RABL2B: variants seen among roughly 807,000 people sequenced by gnomAD.
The protein encoded by RABL2B is RAB, member of RAS oncogene family like 2B.
In RABL2B, 17 loss-of-function variants were observed where a neutral mutation model predicts 26.7. That is an observed-to-expected ratio of 0.64 (90% CI 0.44 to 0.95). RABL2B has a LOEUF of 0.95. RABL2B is among the 40% of genes least tolerant of loss of function. The probability of loss-of-function intolerance (pLI) is 0.00; values close to 1 mark genes in which losing one functional copy is unlikely to be tolerated. For missense variants in RABL2B, 170 were observed against 277.2 expected (o/e 0.61, Z 2.75); for synonymous variants, 70 against 103.9 (o/e 0.67, Z 1.99).
chr22:50,771,905 C>T (rs1207781929), intron 5 of RABL2B: 6 of 152,152 alleles, frequency 3.9e-5, no homozygotes, highest in South Asian at 2.1e-4. Context: ...CCACTGTGCC[C>T]GGCCTCTTTA....
In RABL2B at chr22:50,774,202, G is replaced by T. The variant is rs1292509176; in HGVS notation, c.297+1570C>A. 2.6e-5 allele frequency among the ~76,000 whole-genome samples: 4 copies of T among 152,184 alleles called. No individual in the cohort carries two copies. In the East Asian group the frequency reaches 5.8e-4, roughly 22 times the overall value. The stretch of plus-strand genomic sequence containing the variant: ...GAGCCACCGCGCCCGGCCCGTGGCA[G>T]ACTTTATTAATGTATGCCAACAATG... On this transcript the variant is annotated intron_variant, in intron 5 of 8. Coordinates refer to ENST00000691320, the MANE Select transcript of RABL2B (RefSeq NM_001130919.3).
chr22:50,776,691 C>A lies in RABL2B; in HGVS notation c.196G>T (p.Asp66Tyr). ...TTACCCACAAGGATGGTCCTTCCAT[C>A]TACCGTGGCTGTGTGCTTGTACAGG... Reference protein sequence around the residue: ...LTLYKHTATVDGRTILVDFWD... With the variant: ...LTLYKHTATVYGRTILVDFWD... Residue 66 changes from aspartate (D) to tyrosine (Y), a missense_variant, in exon 4 of 9, where the codon GAT becomes TAT. Asp to Tyr is a radical substitution (Grantham distance 160). Transcript: ENST00000691320. 1 of 1,611,722 alleles carries A rather than the reference C, an allele frequency of 6.2e-7. No homozygotes were observed. Among genetic ancestry groups the A allele is most frequent in the Non-Finnish European group, 8.5e-7 (1 of 1,178,818 alleles).
chr22:50,773,231 A>C (rs1179437458), intron 5 of RABL2B: 13 of 1,279,248 alleles, frequency 1.0e-5, no homozygotes, highest in Non-Finnish European at 1.2e-5. Context: ...CACTGCCCCC[A>C]TTTTCCTTGC....
intron 7 of RABL2B, 141 bp downstream of exon 7, chr22:50,769,314 C>A (rs2083788334): frequency 6.3e-7 from 1 of 1,577,376 alleles, no homozygotes; most frequent in Non-Finnish European, 8.6e-7. Context: ...CCAGGCCCAT[C>A]AGCTCCTCCC....
chr22:50,768,730 G>A lies in RABL2B; in HGVS notation c.*46C>T, dbSNP rs548642489. 2 of 1,588,306 alleles carry A rather than the reference G, an allele frequency of 1.3e-6. No individual in the cohort carries two copies. Among genetic ancestry groups the A allele is most frequent in the South Asian group, 1.2e-5 (1 of 86,736 alleles). ...ATTCAGAGCTGGAGAGTTGTTGAAGGGAAGGGTATTTTAAAAGGGCTCCAC... is the reference window on the plus strand; with the variant it reads ...ATTCAGAGCTGGAGAGTTGTTGAAGAGAAGGGTATTTTAAAAGGGCTCCAC... On this transcript the variant is annotated 3_prime_UTR_variant, in exon 9 of 9. Coordinates refer to ENST00000691320, the MANE Select transcript of RABL2B (RefSeq NM_001130919.3).
chr22:50,769,773 A>G, intron 6 of RABL2B, 132 bp downstream of exon 6: 1 of 973,746 alleles, frequency 1.0e-6, no homozygotes, highest in South Asian at 1.7e-5. Flanking sequence ...CAAGCAACCA[A>G]CCAAGGGTTG....
intron 2 of RABL2B, among the ~76,000 whole-genome samples, chr22:50,778,375 G>A (rs1233348822): frequency 6.6e-6 from 1 of 151,732 alleles, no homozygotes; most frequent in African/African-American, 2.4e-5. Context: ...CACTTTGGGA[G>A]GCCGAGAGCA....
intron 4 of RABL2B, 106 bp downstream of exon 4, chr22:50,776,564 C>T: frequency 2.7e-6 from 4 of 1,473,430 alleles, no homozygotes; most frequent in Non-Finnish European, 3.7e-6. Flanking sequence ...CCTGGGGTCT[C>T]ATTTTCTCCC....
intron 5 of RABL2B, among the ~76,000 whole-genome samples, chr22:50,771,045 ATTT>A (rs112046010): frequency 1.1e-4 from 15 of 134,476 alleles, no homozygotes; most frequent in East Asian, 2.1e-4. Context: ...ACTGCCCCTG[ATTT>A]TTTTTTTTTT....
intron 2 of RABL2B, among the ~76,000 whole-genome samples, chr22:50,778,950 T>G (rs2085392978): frequency 6.7e-6 from 1 of 150,348 alleles, no homozygotes; most frequent in Non-Finnish European, 1.5e-5. Flanking sequence ...AACAGCACCC[T>G]TACTATAAAG....
Position 50,783,564 on chromosome 22 carries a change from C to G in RABL2B, c.-117G>C, listed in dbSNP as rs572835484. On this transcript the variant is annotated 5_prime_UTR_variant, in exon 1 of 9. Coordinates refer to ENST00000691320, the MANE Select transcript of RABL2B (RefSeq NM_001130919.3). ...TGCGGGTCGGCCCCTCGGGCCCTGC[C>G]GCCAGTCTGGACTCTGCGCGCTCTC... 4 of 152,400 alleles carry G rather than the reference C, an allele frequency of 2.6e-5. No homozygotes were observed. The highest frequency in any genetic ancestry group is 9.6e-5 in the African/African-American group (4 of 41,562). The allele number at this position is 152,400 out of a possible 1,614,324, so 9.4% of individuals were successfully genotyped here.
rs1383909360 is a variant in RABL2B, at chr22:50,776,596, C to T, written c.217+74G>A. 9.0e-6 allele frequency: 14 copies of T among 1,549,208 alleles called. No individual in the cohort carries two copies. In the East Asian group the frequency reaches 1.9e-4, roughly 22 times the overall value. On this transcript the variant is annotated intron_variant, in intron 4 of 8. Transcript: ENST00000691320. ...TCCCTCTGGACTCTCTCCTTATGAACCTTCCCTCACCTCCCCTCGTCTCCC... is the reference window on the plus strand; with the variant it reads ...TCCCTCTGGACTCTCTCCTTATGAATCTTCCCTCACCTCCCCTCGTCTCCC...
intron 2 of RABL2B, among the ~76,000 whole-genome samples, chr22:50,779,276 T>C (rs2085439198): frequency 6.6e-6 from 1 of 151,442 alleles, no homozygotes; most frequent in African/African-American, 2.4e-5. Context: ...GAGAACCAGC[T>C]CGGCAGGCCT....
At chr22:50,780,239 A>G (rs2147334945) in intron 2 of RABL2B, among the ~76,000 whole-genome samples, 2 of 151,772 alleles carry the variant, frequency 1.3e-5, no homozygotes, top group South Asian at 4.2e-4. Flanking sequence ...GCATGAGAAA[A>G]AAAAAAAAAG....
chr22:50,775,735 G>T, intron 5 of RABL2B, 37 bp downstream of exon 5: 6 of 1,613,144 alleles, frequency 3.7e-6, no homozygotes, highest in African/African-American at 2.7e-5. Context: ...GGCCAGACTT[G>T]CCCAGTGCCT....
rs1208950588 is a variant in RABL2B, at chr22:50,778,330, C to T, written c.108-349G>A. Among the ~76,000 whole-genome samples the T allele has an allele frequency of 1.3e-4, 20 of 151,456 alleles. 1 individual carries two copies. Among genetic ancestry groups the T allele is most frequent in the Non-Finnish European group, 2.2e-4 (15 of 67,934 alleles). ...CGCCTTCCGTTCAAAAGCCATTTCC[C>T]GGTCGGGCGCGGTGGCTCACGCCTG... is the stretch of plus-strand genomic sequence containing the variant. On this transcript the variant is annotated intron_variant, in intron 2 of 8. Coordinates refer to ENST00000691320, the MANE Select transcript of RABL2B (RefSeq NM_001130919.3).
chr22:50,778,036 C>G, intron 2 of RABL2B, 55 bp from the exon 3 acceptor site: 1 of 1,613,988 alleles, frequency 6.2e-7, no homozygotes, highest in South Asian at 1.1e-5. Context: ...TCCCTCGTCC[C>G]AGACTTTTTC....
At chr22:50,771,061 T>A (rs1214593287) in intron 5 of RABL2B, 2 of 145,418 alleles carry the variant, frequency 1.4e-5, no homozygotes, top group Non-Finnish European at 3.0e-5. Flanking sequence ...TTTTTTTTTT[T>A]AGACGGAGTC....
At chr22:50,776,254 T>A (rs547279555) in intron 4 of RABL2B, among the ~76,000 whole-genome samples, 1 of 152,282 alleles carries the variant, frequency 6.6e-6, no homozygotes, top group African/African-American at 2.4e-5. Context: ...AGGAGAAGAT[T>A]ATGACCCGAT....
Sources: gnomAD v4.1 joint callset for allele counts (sites outside exome capture counted in the v4.1 genomes callset) on GRCh38, gnomAD v4.1.1 for gene constraint, MANE v1.5 for transcripts, NCBI Gene and HGNC (gene_info 2026-07-23, HGNC 2026-07-21) for gene names.